Variants in SLIT3 observed in about 807,000 individuals in gnomAD.
SLIT3 encodes the protein slit guidance ligand 3, also known as slit homolog 3 protein.
A neutral mutation model predicts 184.0 loss-of-function variants in SLIT3; 68 were observed. The ratio of observed to expected loss-of-function variants is 0.37; its 90% CI spans 0.30 to 0.45. The LOEUF is 0.45. Among genes scored for constraint, SLIT3 ranks in the 20% least tolerant of loss-of-function variants. The probability of loss-of-function intolerance (pLI) is 1.00; values close to 1 mark genes in which losing one functional copy is unlikely to be tolerated. For missense variants in SLIT3, 1,707 were observed against 2,026.0 expected (o/e 0.84, Z 3.02); for synonymous variants, 831 against 828.6 (o/e 1.00, Z -0.05).
chr5:169,155,898 T>A (rs1762288815), intron 4 of SLIT3, among the ~76,000 whole-genome samples: 1 of 152,178 alleles, frequency 6.6e-6, no homozygotes. Flanking sequence ...GCACATCCCA[T>A]AAGCTGCCTC....
At chr5:168,919,644 T>TA (rs967568718) in intron 4 of SLIT3, among the ~76,000 whole-genome samples, 77 of 151,566 alleles carry the variant, frequency 5.1e-4, no homozygotes, top group East Asian at 2.9e-3. Flanking sequence ...GTAATTTTTT[T>TA]AAAAAAAAAA....
chr5:168,923,342 C>T (rs1761703355), intron 4 of SLIT3, among the ~76,000 whole-genome samples: 1 of 152,010 alleles, frequency 6.6e-6, no homozygotes, highest in African/African-American at 2.4e-5. Flanking sequence ...CATTTCTACT[C>T]CCAAATATCT....
At position 168,885,787 on chromosome 5, in the gene SLIT3, G is replaced by A. The variant is rs151225436; in HGVS notation, c.414-2451C>T. Among the ~76,000 whole-genome samples, 4 of 152,346 alleles carry A rather than the reference G, an allele frequency of 2.6e-5. No homozygotes were observed. The East Asian group carries it at 7.7e-4, about 29-fold the overall frequency. ...GCTGGATGAGGGGGCATGTGTTCCA[G>A]TAATGCACTAACCTTGTTTGAGTAG... On this transcript the variant is annotated intron_variant, in intron 4 of 35. Transcript: ENST00000519560.
intron 4 of SLIT3, among the ~76,000 whole-genome samples, chr5:169,146,009 C>G (rs950645787): frequency 6.6e-6 from 1 of 152,182 alleles, no homozygotes; most frequent in Non-Finnish European, 1.5e-5. Context: ...CGAGATCGCA[C>G]CACTCCACTC....
Position 168,841,212 on chromosome 5 carries a change from C to T in SLIT3, c.557+3372G>A, listed in dbSNP as rs966592726. On this transcript the variant is annotated intron_variant, in intron 6 of 35. Transcript: ENST00000519560. ...ATGGTTAATCACACAGACTCTGCTGCTAATTAGCTAAGCAGTTACTTGCCT... is the reference window on the plus strand; with the variant it reads ...ATGGTTAATCACACAGACTCTGCTGTTAATTAGCTAAGCAGTTACTTGCCT... 2.0e-5 allele frequency among the ~76,000 whole-genome samples: 3 copies of T among 152,334 alleles called. No individual in the cohort carries two copies. In the East Asian group the frequency reaches 5.8e-4, roughly 29 times the overall value.
At chr5:168,939,478 G>A (rs1370061200) in intron 4 of SLIT3, among the ~76,000 whole-genome samples, 2 of 152,180 alleles carry the variant, frequency 1.3e-5, no homozygotes, top group Non-Finnish European at 2.9e-5. Flanking sequence ...ATTCTATAAA[G>A]GAAGGCTTAG....
chr5:168,803,477 G>A (rs1756839752), intron 9 of SLIT3, among the ~76,000 whole-genome samples: 1 of 152,202 alleles, frequency 6.6e-6, no homozygotes, highest in Non-Finnish European at 1.5e-5. Context: ...AACCTTTCAG[G>A]TATGGTCTGG....
intron 4 of SLIT3, among the ~76,000 whole-genome samples, chr5:169,192,429 G>GTC (rs1319227602): frequency 7.1e-6 from 1 of 141,244 alleles, no homozygotes; most frequent in Admixed American, 7.2e-5. Context: ...GTCTCTGTGT[G>GTC]TGTGTGTGTG....
intron 4 of SLIT3, among the ~76,000 whole-genome samples, chr5:169,092,235 T>G (rs1268286453): frequency 6.6e-6 from 1 of 151,934 alleles, no homozygotes; most frequent in African/African-American, 2.4e-5. Flanking sequence ...AAAAAAAGAC[T>G]CAGAGGTAGG....
intron 4 of SLIT3, among the ~76,000 whole-genome samples, chr5:169,146,050 C>CA (rs1162673452): frequency 2.0e-5 from 3 of 151,996 alleles, no homozygotes; most frequent in Middle Eastern, 3.4e-3. Context: ...TACTCTGTCT[C>CA]AAAAAAAATA....
chr5:168,697,787 CACTCATGAAAAAGGCT>C (rs953817079), intron 27 of SLIT3, among the ~76,000 whole-genome samples: 1 of 152,140 alleles, frequency 6.6e-6, no homozygotes, highest in African/African-American at 2.4e-5. Context: ...GGACTCTGGG[CACTCATGAAAAAGGCT>C]ACTTCTTCAG....
chr5:168,899,605 C>G (rs1292991822), intron 4 of SLIT3, among the ~76,000 whole-genome samples: 7 of 152,124 alleles, frequency 4.6e-5, no homozygotes, highest in Admixed American at 4.6e-4. Context: ...AAATCAGAGA[C>G]AGAATGAATG....
intron 4 of SLIT3, among the ~76,000 whole-genome samples, chr5:169,154,603 G>A (rs891298645): frequency 6.6e-6 from 1 of 152,228 alleles, no homozygotes; most frequent in Non-Finnish European, 1.5e-5. Context: ...GTGCAAACTC[G>A]AACATGTTCC....
intron 4 of SLIT3, among the ~76,000 whole-genome samples, chr5:168,973,154 C>T (rs1183356376): frequency 6.6e-6 from 1 of 152,198 alleles, no homozygotes; most frequent in Non-Finnish European, 1.5e-5. Context: ...AATATAACTA[C>T]AGTTTTCTAA....
At chr5:169,257,533 C>CTT (rs1157258489) in intron 1 of SLIT3, among the ~76,000 whole-genome samples, 1,062 of 80,986 alleles carry the variant, frequency 0.013, 249 homozygotes, top group East Asian at 0.015. Flanking sequence ...TCTATGCCTC[C>CTT]TTTTTTTTTT....
At chr5:169,250,364 G>A (rs1390767549) in intron 2 of SLIT3, among the ~76,000 whole-genome samples, 1 of 152,140 alleles carries the variant, frequency 6.6e-6, no homozygotes, top group Non-Finnish European at 1.5e-5. Context: ...TTAAAACAAT[G>A]AAGCACTACA....
At chr5:169,263,112 A>G (rs912382312) in intron 1 of SLIT3, among the ~76,000 whole-genome samples, 4 of 152,152 alleles carry the variant, frequency 2.6e-5, no homozygotes, top group African/African-American at 9.7e-5. Flanking sequence ...AGGCTGATGC[A>G]GAAGGATTAC....
At chr5:168,903,470 A>G (rs1219352218) in intron 4 of SLIT3, among the ~76,000 whole-genome samples, 1 of 152,136 alleles carries the variant, frequency 6.6e-6, no homozygotes, top group Non-Finnish European at 1.5e-5. Context: ...CATTCTCTAG[A>G]TCAGAGGGCT....
chr5:168,873,146 T>C (rs1759595066), intron 5 of SLIT3, among the ~76,000 whole-genome samples: 1 of 152,024 alleles, frequency 6.6e-6, no homozygotes, highest in African/African-American at 2.4e-5. Context: ...TCCCGGCCAA[T>C]CTCTCAGAAA....
Sources: gnomAD v4.1 joint callset for allele counts (sites outside exome capture counted in the v4.1 genomes callset) on GRCh38, gnomAD v4.1.1 for gene constraint, MANE v1.5 for transcripts, NCBI Gene and HGNC (gene_info 2026-07-23, HGNC 2026-07-21) for gene names.